Variants in NUDCD1 observed in about 807,000 individuals in gnomAD.
The protein encoded by NUDCD1 is NudC domain containing 1.
Under a neutral mutation model 67.8 loss-of-function variants are expected in NUDCD1, and 60 were observed. The observed-to-expected ratio is 0.88, with a 90% confidence interval of 0.72 to 1.10. The LOEUF (loss-of-function observed/expected upper bound fraction) is 1.10, where lower values mean the gene tolerates loss of function less well. Among genes scored for constraint, NUDCD1 ranks in the 50% least tolerant of loss-of-function variants. NUDCD1 has a pLI of 0.00. For synonymous variants in NUDCD1, 244 were observed against 230.8 expected (o/e 1.06, Z -0.52); for missense variants, 643 against 695.0 (o/e 0.93, Z 0.84).
chr8:109,250,563 C>T (rs556890672), intron 8 of NUDCD1, among the ~76,000 whole-genome samples: 1 of 152,210 alleles, frequency 6.6e-6, no homozygotes, highest in Non-Finnish European at 1.5e-5. Context: ...TTGGCCTGTT[C>T]CCAGTTGTAG....
intron 2 of NUDCD1, chr8:109,315,809 C>A (rs530055709): frequency 1.3e-5 from 2 of 151,982 alleles, no homozygotes; most frequent in African/African-American, 2.4e-5. Flanking sequence ...ACTTTGCCTT[C>A]GTCTCTACAC....
chr8:109,309,804 C>T (rs1473371886), intron 2 of NUDCD1, among the ~76,000 whole-genome samples: 1 of 151,604 alleles, frequency 6.6e-6, no homozygotes, highest in Admixed American at 6.6e-5. Context: ...AGCTCTTCTA[C>T]ATACCAACAG....
At chr8:109,313,219 G>A (rs1005272100) in intron 2 of NUDCD1, among the ~76,000 whole-genome samples, 7 of 152,080 alleles carry the variant, frequency 4.6e-5, no homozygotes, top group Admixed American at 6.5e-5. Flanking sequence ...CCACAGATGC[G>A]TGCCTGGTAT....
chr8:109,265,795 A>G (rs1483952496), intron 8 of NUDCD1, among the ~76,000 whole-genome samples: 1 of 152,090 alleles, frequency 6.6e-6, no homozygotes, highest in East Asian at 1.9e-4. Flanking sequence ...ACAGTTCACA[A>G]TAACGCCATT....
chr8:109,293,478 C>T lies in NUDCD1; in HGVS notation c.506G>A (p.Ser169Asn), dbSNP rs775342739. 2 of 1,573,386 alleles carry T rather than the reference C, an allele frequency of 1.3e-6. No homozygotes were observed. Among genetic ancestry groups the T allele is most frequent in the Non-Finnish European group, 1.7e-6 (2 of 1,161,982 alleles). ...TTCTTCAGCATTTAGCAGTGAGATA[C>T]TGTGAATTATAATAAAAGGATCCCC... The part of the protein sequence containing the change: ...ELGDPFIIIH[S>N]ISLLNAEEHS... Residue 169 changes from serine to asparagine, a missense_variant, in exon 4 of 10, where the codon AGT becomes AAT. Ser to Asn is a conservative substitution (Grantham distance 46, BLOSUM62 1). Transcript: ENST00000239690.
At chr8:109,269,109 T>C (rs1445580856) in intron 8 of NUDCD1, among the ~76,000 whole-genome samples, 1 of 152,180 alleles carries the variant, frequency 6.6e-6, no homozygotes, top group Non-Finnish European at 1.5e-5. Flanking sequence ...TTAATGACTG[T>C]CACTAAAAGA....
chr8:109,279,314 T>C (rs1481654698), intron 6 of NUDCD1, among the ~76,000 whole-genome samples: 2 of 152,206 alleles, frequency 1.3e-5, no homozygotes, highest in Non-Finnish European at 2.9e-5. Context: ...TTTAGTCATG[T>C]ATTGGTGTCT....
chr8:109,293,667 T>G, intron 3 of NUDCD1, 143 bp from the exon 4 acceptor site: 24 of 416,398 alleles, frequency 5.8e-5, no homozygotes, highest in Non-Finnish European at 5.0e-5. Flanking sequence ...AAAAAGGCCT[T>G]TACATAAAGA....
chr8:109,320,561 T>C (rs1815510224), intron 2 of NUDCD1, among the ~76,000 whole-genome samples: 2 of 152,130 alleles, frequency 1.3e-5, no homozygotes. Context: ...GCTGTACAAT[T>C]TGTGCAGTTA....
chr8:109,289,710 T>G (rs1814658910), intron 5 of NUDCD1, 41 bp downstream of exon 5: 9 of 1,027,680 alleles, frequency 8.8e-6, no homozygotes, highest in Non-Finnish European at 1.2e-5. Flanking sequence ...AAATATATGT[T>G]TATGAAAATA....
chr8:109,326,241 T>C (rs1586314593), intron 1 of NUDCD1, among the ~76,000 whole-genome samples: 1 of 152,230 alleles, frequency 6.6e-6, no homozygotes, highest in Non-Finnish European at 1.5e-5. Context: ...ATATAAGTTA[T>C]TAAGACACAG....
At chr8:109,306,436 T>C (rs1815105746) in intron 2 of NUDCD1, among the ~76,000 whole-genome samples, 1 of 152,164 alleles carries the variant, frequency 6.6e-6, no homozygotes, top group African/African-American at 2.4e-5. Flanking sequence ...AATTGTTCAC[T>C]TTGCATTTCT....
chr8:109,309,833 G>T (rs557783202), intron 2 of NUDCD1, among the ~76,000 whole-genome samples: 1 of 149,592 alleles, frequency 6.7e-6, no homozygotes, highest in Admixed American at 6.7e-5. Context: ...CTGAGAACCA[G>T]ATCAAGAACT....
At chr8:109,303,551 CCCCGCT>C (rs1305114193) in intron 2 of NUDCD1, among the ~76,000 whole-genome samples, 2 of 152,260 alleles carry the variant, frequency 1.3e-5, no homozygotes, top group Non-Finnish European at 2.9e-5. Context: ...TCCTCACCTG[CCCCGCT>C]CCCTTATTAG....
intron 8 of NUDCD1, among the ~76,000 whole-genome samples, chr8:109,264,958 T>C (rs1297859313): frequency 6.6e-6 from 1 of 151,866 alleles, no homozygotes; most frequent in Non-Finnish European, 1.5e-5. Context: ...TCTTAATTTC[T>C]AATATGATAC....
Position 109,313,853 on chromosome 8 carries a change from A to T in NUDCD1, c.273+8456T>A, listed in dbSNP as rs775683330. On this transcript the variant is annotated intron_variant, in intron 2 of 9. Coordinates refer to ENST00000239690, the MANE Select transcript of NUDCD1 (RefSeq NM_032869.4). ...CTAATTATCAATCAGATAAATGGGTACAATATCCAATAGAATGATTAAGAT... is the reference window on the plus strand; with the variant it reads ...CTAATTATCAATCAGATAAATGGGTTCAATATCCAATAGAATGATTAAGAT... 4 of 1,080,772 alleles carry T rather than the reference A, an allele frequency of 3.7e-6. No individual in the cohort carries two copies. In the South Asian group the frequency reaches 3.9e-5, roughly 11 times the overall value. 66.9% of individuals were successfully genotyped at this position (1,080,772 alleles called of 1,614,324 possible).
At chr8:109,279,267 A>C (rs1002834022) in intron 6 of NUDCD1, among the ~76,000 whole-genome samples, 2 of 152,164 alleles carry the variant, frequency 1.3e-5, no homozygotes, top group African/African-American at 2.4e-5. Context: ...GGTGCCCCAC[A>C]TCCTTGCCAA....
At chr8:109,295,537 G>A (rs921491336) in intron 3 of NUDCD1, among the ~76,000 whole-genome samples, 2 of 152,086 alleles carry the variant, frequency 1.3e-5, no homozygotes, top group African/African-American at 4.8e-5. Flanking sequence ...GTATAACTTA[G>A]TAAGGTAGGT....
intron 2 of NUDCD1, among the ~76,000 whole-genome samples, chr8:109,299,441 G>A (rs746748596): frequency 6.6e-5 from 10 of 152,140 alleles, no homozygotes; most frequent in Non-Finnish European, 1.3e-4. Context: ...AGGCCCCTCG[G>A]ATTGCATGGG....
Sources: gnomAD v4.1 joint callset for allele counts (sites outside exome capture counted in the v4.1 genomes callset) on GRCh38, gnomAD v4.1.1 for gene constraint, MANE v1.5 for transcripts, NCBI Gene and HGNC (gene_info 2026-07-23, HGNC 2026-07-21) for gene names.